The following OTUD7A variants were observed in gnomAD, a reference collection of about 807,000 sequenced individuals.
OTUD7A encodes OTU domain-containing protein 7A.
OTUD7A carries 12 observed loss-of-function variants against 65.7 expected under a neutral mutation model. The observed-to-expected ratio is 0.18, with a 90% CI of 0.12 to 0.30. The LOEUF (loss-of-function observed/expected upper bound fraction) is 0.30, where lower values mean the gene tolerates loss of function less well. Ranked by LOEUF, OTUD7A falls within the 10% of genes least tolerant of loss-of-function variation. The pLI is 1.00. For synonymous variants in OTUD7A, 641 were observed against 586.3 expected (o/e 1.09, Z -1.35); for missense variants, 1,148 against 1,304.8 (o/e 0.88, Z 1.85).
intron 5 of OTUD7A, among the ~76,000 whole-genome samples, chr15:31,532,641 G>A (rs62004102): frequency 0.057 from 8,663 of 152,036 alleles, 359 homozygotes; most frequent in Middle Eastern, 0.11. Flanking sequence ...AAAAGTATTC[G>A]AAGAGGCCAG....
At chr15:31,694,193 C>T (rs564694372) in intron 1 of OTUD7A, among the ~76,000 whole-genome samples, 194 of 152,216 alleles carry the variant, frequency 1.3e-3, no homozygotes, top group African/African-American at 4.3e-3. Context: ...AGGGGGCCCA[C>T]GCAGCGCAGG....
chr15:31,666,532 CTTAG>C (rs1368383372), intron 1 of OTUD7A, among the ~76,000 whole-genome samples: 2 of 152,012 alleles, frequency 1.3e-5, no homozygotes, highest in Non-Finnish European at 2.9e-5. Context: ...CTCTTCTTTT[CTTAG>C]TTAATCTTGC....
chr15:31,486,410 G>A (rs1595551040), intron 12 of OTUD7A, among the ~76,000 whole-genome samples: 1 of 152,204 alleles, frequency 6.6e-6, no homozygotes, highest in Admixed American at 6.5e-5. Flanking sequence ...GCCACCGCCC[G>A]ACTCCTTGAC....
intron 1 of OTUD7A, among the ~76,000 whole-genome samples, chr15:31,839,931 T>A (rs752796593): frequency 3.3e-4 from 45 of 138,338 alleles, no homozygotes; most frequent in Non-Finnish European, 9.2e-5. Flanking sequence ...TTTTGGAAGT[T>A]GTATTATTTA....
At chr15:31,815,708 C>T (rs574471792) in intron 1 of OTUD7A, among the ~76,000 whole-genome samples, 15 of 152,348 alleles carry the variant, frequency 9.8e-5, no homozygotes, top group African/African-American at 2.9e-4. Flanking sequence ...GGGGCCTCTC[C>T]CACCACGGGC....
At chr15:31,569,856 A>G (rs1888989500) in intron 4 of OTUD7A, among the ~76,000 whole-genome samples, 162 bp downstream of exon 4, 1 of 152,248 alleles carries the variant, frequency 6.6e-6, no homozygotes, top group African/African-American at 2.4e-5. Context: ...TAGAAGCAAC[A>G]AAGGACATTT....
chr15:31,815,615 G>A, intron 1 of OTUD7A, among the ~76,000 whole-genome samples: 1 of 152,248 alleles, frequency 6.6e-6, no homozygotes, highest in East Asian at 1.9e-4. Context: ...ACTTTGCAAA[G>A]ATCCTCTGGT....
intron 3 of OTUD7A, among the ~76,000 whole-genome samples, chr15:31,597,222 C>T (rs1247523824): frequency 2.0e-5 from 3 of 152,140 alleles, no homozygotes; most frequent in Non-Finnish European, 2.9e-5. Context: ...GCCACTGTAC[C>T]CAGCCTATTT....
chr15:31,559,209 T>TAG, intron 4 of OTUD7A, 22 bp from the exon 5 acceptor site: 1 of 1,606,672 alleles, frequency 6.2e-7, no homozygotes, highest in Non-Finnish European at 8.5e-7. Flanking sequence ...GAAGGAAAGA[T>TAG]AGCCCCAAGG....
chr15:31,494,305 G>C (rs768400947), intron 10 of OTUD7A, among the ~76,000 whole-genome samples: 9 of 152,188 alleles, frequency 5.9e-5, no homozygotes, highest in Non-Finnish European at 1.0e-4. Context: ...ACAGGCACGA[G>C]AGCGCTCTTC....
chr15:31,649,395 G>C (rs2141271649), intron 3 of OTUD7A, among the ~76,000 whole-genome samples: 1 of 152,210 alleles, frequency 6.6e-6, no homozygotes, highest in South Asian at 2.1e-4. Flanking sequence ...CATCATTGCA[G>C]TGTTTTTTTA....
chr15:31,664,067 C>A (rs1400825683), intron 1 of OTUD7A, among the ~76,000 whole-genome samples: 5 of 152,212 alleles, frequency 3.3e-5, no homozygotes, highest in Non-Finnish European at 5.9e-5. Flanking sequence ...TTTATCCACT[C>A]ATTGATTGAT....
chr15:31,609,384 C>T (rs1048137593), intron 3 of OTUD7A, among the ~76,000 whole-genome samples: 4 of 152,138 alleles, frequency 2.6e-5, no homozygotes, highest in African/African-American at 7.2e-5. Context: ...AGCAGGCACA[C>T]GGTGGAAGTG....
At chr15:31,755,888 G>A (rs1894799029) in intron 1 of OTUD7A, among the ~76,000 whole-genome samples, 1 of 36,396 alleles carries the variant, frequency 2.7e-5, no homozygotes, top group South Asian at 1.3e-3. Flanking sequence ...AGCCAGGCAG[G>A]CAGCAAGGCA....
chr15:31,832,555 T>C (rs2140984854), intron 1 of OTUD7A, among the ~76,000 whole-genome samples: 1 of 152,350 alleles, frequency 6.6e-6, no homozygotes, highest in South Asian at 2.1e-4. Context: ...AACAGAACTG[T>C]TTTCATCTTG....
chr15:31,736,788 CTTTGTA>C (rs1894204577), intron 1 of OTUD7A, among the ~76,000 whole-genome samples: 1 of 149,964 alleles, frequency 6.7e-6, no homozygotes, highest in African/African-American at 2.5e-5. Context: ...ATTTGTATGA[CTTTGTA>C]TTTGTATGAC....
intron 1 of OTUD7A, among the ~76,000 whole-genome samples, chr15:31,733,750 G>A (rs1894112396): frequency 6.6e-6 from 1 of 152,182 alleles, no homozygotes. Flanking sequence ...CTATCTGAGT[G>A]CTCTCAAATG....
intron 8 of OTUD7A, among the ~76,000 whole-genome samples, chr15:31,519,180 G>C (rs2041905545): frequency 6.6e-6 from 1 of 152,214 alleles, no homozygotes; most frequent in African/African-American, 2.4e-5. Flanking sequence ...GTGTGCCCAT[G>C]AATGCAGGTT....
At chr15:31,559,910 G>A (rs1396083969) in intron 4 of OTUD7A, among the ~76,000 whole-genome samples, 1 of 152,118 alleles carries the variant, frequency 6.6e-6, no homozygotes, top group Non-Finnish European at 1.5e-5. Context: ...TTTCTATCCT[G>A]CAGGCCTTCC....
Sources: allele counts gnomAD v4.1 joint callset (sites outside exome capture counted in the v4.1 genomes callset), GRCh38; gene constraint gnomAD v4.1.1; transcripts MANE v1.5; gene names NCBI Gene and HGNC (gene_info 2026-07-23, HGNC 2026-07-21).